CSMD1: variants seen among roughly 807,000 people sequenced by gnomAD.
CSMD1 encodes the protein CUB and sushi domain-containing protein 1.
CSMD1 carries 213 observed loss-of-function variants against 417.5 expected under a neutral mutation model. That is an observed-to-expected ratio of 0.51 (90% CI 0.46 to 0.57). The LOEUF (loss-of-function observed/expected upper bound fraction) is 0.57, where lower values mean the gene tolerates loss of function less well. Among genes scored for constraint, CSMD1 ranks in the 20% least tolerant of loss-of-function variants. The pLI is 0.00. For missense variants in CSMD1, 6,923 were observed against 4,529.7 expected, an observed-to-expected ratio of 1.53 and a Z score of -15.17; for synonymous variants, 2,862 against 1,736.8, an observed-to-expected ratio of 1.65 and a Z score of -16.11.
At chr8:4,702,878 GTC>G (rs1177190882) in intron 1 of CSMD1, among the ~76,000 whole-genome samples, 1 of 152,046 alleles carries the variant, frequency 6.6e-6, no homozygotes, top group Non-Finnish European at 1.5e-5. Flanking sequence ...TTATTTAAAA[GTC>G]TCTAAAAAGT....
intron 7 of CSMD1, among the ~76,000 whole-genome samples, chr8:3,679,812 G>C (rs575994368): frequency 3.3e-5 from 5 of 152,214 alleles, no homozygotes; most frequent in East Asian, 3.9e-4. Context: ...AAATGTAAAA[G>C]AAGCGAAATT....
At chr8:3,676,492 G>A (rs975120896) in intron 7 of CSMD1, among the ~76,000 whole-genome samples, 1 of 152,156 alleles carries the variant, frequency 6.6e-6, no homozygotes. Context: ...TTCATAAATT[G>A]CCTGAAAAAT....
intron 41 of CSMD1, among the ~76,000 whole-genome samples, chr8:3,121,082 AAAC>A (rs943134493): frequency 7.2e-6 from 1 of 138,242 alleles, no homozygotes; most frequent in Admixed American, 6.7e-5. Context: ...ACAGAAATCC[AAAC>A]AACAACAAAA....
At chr8:4,168,993 T>A (rs528601366) in intron 3 of CSMD1, among the ~76,000 whole-genome samples, 79 of 152,262 alleles carry the variant, frequency 5.2e-4, no homozygotes, top group African/African-American at 1.8e-3. Context: ...ATTTTCCTAC[T>A]ATCTTATCAG....
intron 1 of CSMD1, among the ~76,000 whole-genome samples, chr8:4,795,063 T>C (rs1797901340): frequency 6.6e-6 from 1 of 151,878 alleles, no homozygotes; most frequent in East Asian, 1.9e-4. Flanking sequence ...GTTTCTGCTG[T>C]CTTTAATATA....
intron 5 of CSMD1, among the ~76,000 whole-genome samples, chr8:3,812,333 C>T (rs1801134867): frequency 1.3e-5 from 2 of 152,168 alleles, no homozygotes; most frequent in Admixed American, 1.3e-4. Flanking sequence ...CTCAATGAGT[C>T]ATGTGAATGA....
At chr8:3,486,181 C>G (rs534896770) in intron 11 of CSMD1, among the ~76,000 whole-genome samples, 1 of 152,292 alleles carries the variant, frequency 6.6e-6, no homozygotes, top group South Asian at 2.1e-4. Flanking sequence ...TGGCAGAACT[C>G]TGGATGTTTT....
At chr8:4,067,738 T>C (rs566537184) in intron 3 of CSMD1, among the ~76,000 whole-genome samples, 1 of 152,206 alleles carries the variant, frequency 6.6e-6, no homozygotes, top group Non-Finnish European at 1.5e-5. Flanking sequence ...AAGGAACGTG[T>C]TATTCTTTGG....
intron 3 of CSMD1, among the ~76,000 whole-genome samples, chr8:4,329,778 G>A (rs948124692): frequency 1.3e-5 from 2 of 151,992 alleles, no homozygotes. Context: ...TCCCCTTGGT[G>A]ATGAGTGAGC....
intron 54 of CSMD1, among the ~76,000 whole-genome samples, chr8:2,990,155 G>A (rs1036832430): frequency 2.6e-5 from 4 of 152,234 alleles, no homozygotes; most frequent in African/African-American, 4.8e-5. Flanking sequence ...ACACAAGGAA[G>A]AGAAAAGAGT....
At chr8:4,897,811 G>C (rs967960705) in intron 1 of CSMD1, among the ~76,000 whole-genome samples, 18 of 152,098 alleles carry the variant, frequency 1.2e-4, no homozygotes, top group Non-Finnish European at 2.6e-4. Context: ...AGAAGAGACA[G>C]AGACTTAAAT....
chr8:4,619,212 A>G (rs910503143), intron 2 of CSMD1, among the ~76,000 whole-genome samples: 2 of 152,112 alleles, frequency 1.3e-5, no homozygotes, highest in South Asian at 2.1e-4. Context: ...TTTTCCCACC[A>G]CCACCACCCC....
At chr8:3,944,494 C>G (rs1811094323) in intron 5 of CSMD1, among the ~76,000 whole-genome samples, 2 of 152,142 alleles carry the variant, frequency 1.3e-5, no homozygotes, top group South Asian at 2.1e-4. Flanking sequence ...TGTCAGATCA[C>G]TTTAACCTTT....
At chr8:4,450,071 T>A (rs1042720438) in intron 2 of CSMD1, among the ~76,000 whole-genome samples, 4 of 152,186 alleles carry the variant, frequency 2.6e-5, no homozygotes, top group African/African-American at 9.6e-5. Flanking sequence ...ACCAAGGACT[T>A]CCTCGTCCTG....
intron 3 of CSMD1, among the ~76,000 whole-genome samples, chr8:4,212,229 C>A (rs952651866): frequency 6.7e-6 from 1 of 150,136 alleles, no homozygotes; most frequent in Admixed American, 6.7e-5. Flanking sequence ...ACTTATTATA[C>A]CTTAGCTAAT....
rs1303234540 is a variant in CSMD1, at chr8:2,949,363, T to C, written c.10338A>G (p.Gly3446=). 3 of 1,602,992 alleles carry C rather than the reference T, an allele frequency of 1.9e-6. No individual in the cohort carries two copies. The Admixed American group carries it at 5.1e-5, about 27-fold the overall frequency. The change falls in exon 68 of 70, where the codon GGA becomes GGG. Residue 3446 remains glycine, a synonymous_variant. Coordinates refer to ENST00000635120, the MANE Select transcript of CSMD1 (RefSeq NM_033225.6). The part of the protein sequence containing the change: ...DGYVSSGLER[G]GFTFQGDIHG... Reference sequence around the variant, plus strand: ...GAATGTCACCTTGAAAAGTAAATCCTCCTCTTTCAAGTCCAGATGACACCT... The same window carrying C: ...GAATGTCACCTTGAAAAGTAAATCCCCCTCTTTCAAGTCCAGATGACACCT...
intron 5 of CSMD1, among the ~76,000 whole-genome samples, chr8:3,923,763 C>T (rs1337434745): frequency 6.6e-6 from 1 of 152,158 alleles, no homozygotes; most frequent in Non-Finnish European, 1.5e-5. Flanking sequence ...CAAACATCTC[C>T]TCATTTTCAC....
chr8:3,642,203 T>C (rs1290105682), intron 7 of CSMD1, among the ~76,000 whole-genome samples: 3 of 151,450 alleles, frequency 2.0e-5, no homozygotes, highest in Non-Finnish European at 4.4e-5. Flanking sequence ...TAGAAGATGA[T>C]GTATATAAAA....
intron 2 of CSMD1, among the ~76,000 whole-genome samples, chr8:4,623,271 T>A (rs995182535): frequency 6.6e-6 from 1 of 152,042 alleles, no homozygotes; most frequent in African/African-American, 2.4e-5. Flanking sequence ...GAAATGCAAA[T>A]TCACATCACC....
Sources: allele counts gnomAD v4.1 joint callset (sites outside exome capture counted in the v4.1 genomes callset), GRCh38; gene constraint gnomAD v4.1.1; transcripts MANE v1.5; gene names NCBI Gene and HGNC (gene_info 2026-07-23, HGNC 2026-07-21).